The following MAGI2 variants were observed in gnomAD, a reference collection of about 807,000 sequenced individuals.
MAGI2 encodes the protein membrane associated guanylate kinase, WW and PDZ domain containing 2, also known as membrane-associated guanylate kinase, WW and PDZ domain-containing protein 2.
In MAGI2, 35 loss-of-function variants were observed where a neutral mutation model predicts 133.3. The observed-to-expected ratio is 0.26, with a 90% CI of 0.20 to 0.35. The LOEUF is 0.35. Ranked by LOEUF, MAGI2 falls within the 10% of genes least tolerant of loss-of-function variation. The probability of loss-of-function intolerance (pLI) is 1.00; values close to 1 mark genes in which losing one functional copy is unlikely to be tolerated. For missense variants in MAGI2, 1,636 were observed against 1,863.4 expected (o/e 0.88, Z 2.25); for synonymous variants, 729 against 710.6 (o/e 1.03, Z -0.41).
chr7:79,068,682 G>C (rs1814631358), intron 1 of MAGI2, among the ~76,000 whole-genome samples: 1 of 152,090 alleles, frequency 6.6e-6, no homozygotes. Flanking sequence ...TGTGATGGTA[G>C]GGTGTCGATT....
intron 9 of MAGI2, among the ~76,000 whole-genome samples, chr7:78,263,365 G>A (rs2150967001): frequency 6.6e-6 from 1 of 152,208 alleles, no homozygotes; most frequent in Non-Finnish European, 1.5e-5. Flanking sequence ...TTTTCAACTG[G>A]TTCCTTGCTT....
chr7:78,748,069 G>C (rs771764231), intron 2 of MAGI2, among the ~76,000 whole-genome samples: 6 of 151,768 alleles, frequency 4.0e-5, no homozygotes, highest in Non-Finnish European at 7.4e-5. Context: ...CTTTTAACCA[G>C]CTTCACAAAA....
At chr7:78,973,471 C>A (rs946316859) in intron 2 of MAGI2, among the ~76,000 whole-genome samples, 4 of 151,690 alleles carry the variant, frequency 2.6e-5, no homozygotes, top group Non-Finnish European at 4.4e-5. Context: ...GTGCAAGGAA[C>A]CTGACTCTGT....
chr7:78,326,264 T>A (rs558899055), intron 9 of MAGI2, among the ~76,000 whole-genome samples: 1 of 152,210 alleles, frequency 6.6e-6, no homozygotes, highest in Non-Finnish European at 1.5e-5. Flanking sequence ...TGAACCTGGA[T>A]TGCCTAATAA....
chr7:78,811,060 C>A (rs1368260457), intron 2 of MAGI2, among the ~76,000 whole-genome samples: 1 of 151,800 alleles, frequency 6.6e-6, no homozygotes, highest in Non-Finnish European at 1.5e-5. Flanking sequence ...AATTAATGAG[C>A]TGAAAATCCA....
At chr7:78,695,553 G>C (rs1266014185) in intron 2 of MAGI2, among the ~76,000 whole-genome samples, 1 of 152,074 alleles carries the variant, frequency 6.6e-6, no homozygotes, top group Non-Finnish European at 1.5e-5. Context: ...TCATATTTTG[G>C]GGTTTCTAGA....
At chr7:78,974,531 A>G (rs1445206213) in intron 2 of MAGI2, among the ~76,000 whole-genome samples, 2 of 151,934 alleles carry the variant, frequency 1.3e-5, no homozygotes, top group Non-Finnish European at 2.9e-5. Flanking sequence ...GTTATAAATC[A>G]TATGTCATGT....
At chr7:78,033,483 A>G (rs926260472) in intron 21 of MAGI2, among the ~76,000 whole-genome samples, 1 of 151,286 alleles carries the variant, frequency 6.6e-6, no homozygotes, top group Non-Finnish European at 1.5e-5. Context: ...AAAAAAAAAA[A>G]AAAAAAAAAG....
At chr7:78,091,119 G>A (rs1021085865) in intron 20 of MAGI2, among the ~76,000 whole-genome samples, 1 of 151,790 alleles carries the variant, frequency 6.6e-6, no homozygotes, top group African/African-American at 2.4e-5. Flanking sequence ...CAGAATGATC[G>A]ATTGAATGAT....
At chr7:78,199,752 C>G (rs1829066517) in intron 11 of MAGI2, among the ~76,000 whole-genome samples, 1 of 152,168 alleles carries the variant, frequency 6.6e-6, no homozygotes, top group Non-Finnish European at 1.5e-5. Context: ...TACATGGATT[C>G]AAGATTAATT....
At chr7:78,577,995 TCATTAATA>T (rs1290614183) in intron 3 of MAGI2, among the ~76,000 whole-genome samples, 1 of 151,302 alleles carries the variant, frequency 6.6e-6, no homozygotes, top group East Asian at 1.9e-4. Context: ...GTTTTGGGGT[TCATTAATA>T]TGAAAACCAG....
intron 2 of MAGI2, among the ~76,000 whole-genome samples, chr7:78,684,434 G>C (rs565029760): frequency 1.4e-4 from 21 of 152,224 alleles, no homozygotes; most frequent in African/African-American, 5.1e-4. Flanking sequence ...TGTATGACTG[G>C]GTGGGAAGCA....
chr7:78,285,150 G>C (rs1025429234), intron 9 of MAGI2, among the ~76,000 whole-genome samples: 1 of 152,012 alleles, frequency 6.6e-6, no homozygotes, highest in East Asian at 1.9e-4. Flanking sequence ...CACACACACA[G>C]ATGCTTAGCA....
intron 18 of MAGI2, among the ~76,000 whole-genome samples, chr7:78,128,247 C>T (rs542663498): frequency 6.6e-6 from 1 of 152,078 alleles, no homozygotes; most frequent in African/African-American, 2.4e-5. Context: ...CTGCTTTAAG[C>T]TGAGGGGGTT....
At chr7:79,338,252 G>C (rs546287985) in intron 1 of MAGI2, among the ~76,000 whole-genome samples, 1 of 152,246 alleles carries the variant, frequency 6.6e-6, no homozygotes, top group East Asian at 1.9e-4. Flanking sequence ...AAGCTTTGCT[G>C]TTGCAGGTGC....
chr7:78,540,564 T>A (rs1186590285), intron 3 of MAGI2, among the ~76,000 whole-genome samples: 1 of 152,052 alleles, frequency 6.6e-6, no homozygotes, highest in Non-Finnish European at 1.5e-5. Context: ...TGCCATGACT[T>A]ATGTGCTCAT....
chr7:78,558,901 C>T lies in MAGI2; in HGVS notation c.539-37256G>A, dbSNP rs150229826. ...AACACACCAGGATGACTTTAAAGTG[C>T]CATTTATTTAATAATCGAGGTCATG... On this transcript the variant is annotated intron_variant, in intron 3 of 21. Transcript: ENST00000354212. 5.3e-3 allele frequency among the ~76,000 whole-genome samples: 767 copies of T among 145,382 alleles called. 13 individuals are homozygous for T. Among genetic ancestry groups the T allele is most frequent in the African/African-American group, 0.018 (723 of 39,182 alleles).
At chr7:79,216,399 G>A (rs181471880) in intron 1 of MAGI2, among the ~76,000 whole-genome samples, 270 of 151,938 alleles carry the variant, frequency 1.8e-3, no homozygotes, top group Admixed American at 4.1e-3. Flanking sequence ...CAAGGGCTTC[G>A]GATACGGAAA....
intron 1 of MAGI2, among the ~76,000 whole-genome samples, chr7:79,039,596 T>C (rs199917813): frequency 1.3e-5 from 2 of 151,750 alleles, no homozygotes; most frequent in East Asian, 3.9e-4. Context: ...AGAAAATATG[T>C]GCAAACTATT....
Sources: allele counts gnomAD v4.1 joint callset (sites outside exome capture counted in the v4.1 genomes callset), GRCh38; gene constraint gnomAD v4.1.1; transcripts MANE v1.5; gene names NCBI Gene and HGNC (gene_info 2026-07-23, HGNC 2026-07-21).